DLG1: variants seen among roughly 807,000 people sequenced by gnomAD.
DLG1 encodes the protein disks large homolog 1.
In DLG1, 42 loss-of-function variants were observed where a neutral mutation model predicts 123.4. That is an observed-to-expected ratio of 0.34 (90% CI 0.27 to 0.44). DLG1 has a LOEUF of 0.44. Ranked by LOEUF, DLG1 falls within the 20% of genes least tolerant of loss-of-function variation. DLG1 has a pLI of 1.00. For missense variants in DLG1, 942 were observed against 1,082.6 expected (o/e 0.87, Z 1.82); for synonymous variants, 317 against 356.2 (o/e 0.89, Z 1.24).
At chr3:197,297,554 G>C in intron 1 of DLG1, 28 of 1,076,092 alleles carry the variant, frequency 2.6e-5, no homozygotes, top group Non-Finnish European at 3.0e-5. Context: ...CTGCTACTGG[G>C]TACGGGCGGG....
rs564685850 is a variant in DLG1, at chr3:197,224,664, A to T, written c.319-30075T>A. Among the ~76,000 whole-genome samples, 8 of 152,300 alleles carry T rather than the reference A, an allele frequency of 5.3e-5. No individual in the cohort carries two copies. The South Asian group carries it at 1.0e-3, about 20-fold the overall frequency. ...ATTTCCTATTTCAGAAAATTTCTGA[A>T]ATCTCAGTAGGAAAATAAGAATTCT... On this transcript the variant is annotated intron_variant, in intron 4 of 24. Coordinates refer to ENST00000667157, the MANE Select transcript of DLG1 (RefSeq NM_001366207.1).
intron 5 of DLG1, among the ~76,000 whole-genome samples, chr3:197,166,484 T>C (rs1260274700): frequency 2.0e-5 from 3 of 152,200 alleles, no homozygotes; most frequent in Admixed American, 6.5e-5. Context: ...TGTGTGTATA[T>C]ATGTGCATAG....
intron 19 of DLG1, among the ~76,000 whole-genome samples, chr3:197,067,115 T>G (rs1038713256): frequency 1.3e-5 from 2 of 152,136 alleles, no homozygotes; most frequent in Non-Finnish European, 2.9e-5. Context: ...CTATCATCTA[T>G]CTACGTATTA....
At chr3:197,256,090 A>G (rs997065186) in intron 4 of DLG1, among the ~76,000 whole-genome samples, 2 of 152,260 alleles carry the variant, frequency 1.3e-5, no homozygotes, top group Non-Finnish European at 2.9e-5. Flanking sequence ...TTTTAATGAC[A>G]TGCTAGCTTT....
intron 5 of DLG1, among the ~76,000 whole-genome samples, chr3:197,156,897 T>C (rs1430028848): frequency 6.6e-6 from 1 of 152,118 alleles, no homozygotes; most frequent in African/African-American, 2.4e-5. Context: ...CAACCAGACA[T>C]ATGATAAGTA....
In DLG1 at chr3:197,210,089, G is replaced by A. The variant is rs150228435; in HGVS notation, c.319-15500C>T. 2.5e-4 allele frequency among the ~76,000 whole-genome samples: 37 copies of A among 146,406 alleles called. 1 individual carries two copies. In the East Asian group the frequency reaches 6.7e-3, roughly 26 times the overall value. Reference sequence around the variant, plus strand: ...AACTGTGAGTATAATAGCTTTCAGTGAGTTCTGTGAGTCCTTCCAGTAAAT... The same window carrying A: ...AACTGTGAGTATAATAGCTTTCAGTAAGTTCTGTGAGTCCTTCCAGTAAAT... On this transcript the variant is annotated intron_variant, in intron 4 of 24. Transcript: ENST00000667157.
chr3:197,099,883 G>T (rs1762533147), intron 14 of DLG1, among the ~76,000 whole-genome samples: 1 of 152,122 alleles, frequency 6.6e-6, no homozygotes. Context: ...AAGTACAATA[G>T]CTCTCTGGCA....
intron 6 of DLG1, among the ~76,000 whole-genome samples, chr3:197,146,322 C>CA (rs1206958501): frequency 6.6e-6 from 1 of 151,900 alleles, no homozygotes; most frequent in Non-Finnish European, 1.5e-5. Context: ...CATATGGAAC[C>CA]AAAAAAGAGC....
chr3:197,140,148 T>C lies in DLG1; in HGVS notation c.705A>G (p.Gly235=). 3.1e-6 allele frequency: 5 copies of C among 1,612,820 alleles called. No homozygotes were observed. The highest frequency in any genetic ancestry group is 4.2e-6 in the Non-Finnish European group (5 of 1,179,432). ...AAAAGCGCAAAACATACCGCAATCT[T>C]CCATCTTGGGCGGCTGCTCCCCCTG... The part of the protein sequence containing the change: ...IITGGAAAQD[G]RLRVNDCILR... Residue 235 remains glycine, a synonymous_variant, in exon 8 of 25, where the codon GGA becomes GGG. Coordinates refer to ENST00000667157, the MANE Select transcript of DLG1 (RefSeq NM_001366207.1).
intron 11 of DLG1, among the ~76,000 whole-genome samples, chr3:197,121,496 C>A (rs768563774): frequency 6.6e-6 from 1 of 151,880 alleles, no homozygotes; most frequent in Non-Finnish European, 1.5e-5. Flanking sequence ...AAGTTAAAAG[C>A]GAGAAAATAT....
chr3:197,138,430 ATAATT>A (rs1786190652), intron 8 of DLG1, 39 bp from the exon 9 acceptor site: 1 of 1,084,856 alleles, frequency 9.2e-7, no homozygotes, highest in Non-Finnish European at 1.2e-6. Context: ...AAAATTAAAT[ATAATT>A]TAAATATAAA....
intron 5 of DLG1, among the ~76,000 whole-genome samples, chr3:197,172,362 C>G (rs1280491154): frequency 6.6e-6 from 1 of 152,020 alleles, no homozygotes; most frequent in Non-Finnish European, 1.5e-5. Context: ...TACTTTTTAT[C>G]TTCTGTATAA....
At chr3:197,091,615 G>A (rs1244515147) in intron 14 of DLG1, among the ~76,000 whole-genome samples, 1 of 151,834 alleles carries the variant, frequency 6.6e-6, no homozygotes, top group Non-Finnish European at 1.5e-5. Flanking sequence ...TAATATTTGT[G>A]AATATTTTTA....
chr3:197,288,705 G>C (rs1347540586), intron 3 of DLG1, among the ~76,000 whole-genome samples: 1 of 82,332 alleles, frequency 1.2e-5, no homozygotes, highest in African/African-American at 5.4e-5. Flanking sequence ...TGGGCAACAA[G>C]AGTGAAACTG....
chr3:197,076,722 C>T, intron 17 of DLG1, 37 bp from the exon 18 acceptor site: 1 of 1,526,914 alleles, frequency 6.5e-7, no homozygotes, highest in Non-Finnish European at 9.1e-7. Context: ...AAAGGGATGT[C>T]TACTGTCTGT....
intron 17 of DLG1, among the ~76,000 whole-genome samples, chr3:197,077,842 A>C (rs993509963): frequency 1.3e-5 from 2 of 152,220 alleles, no homozygotes; most frequent in African/African-American, 2.4e-5. Context: ...AGTGACACTA[A>C]GAATTATTAT....
chr3:197,133,096 G>T (rs1362928024), intron 10 of DLG1, among the ~76,000 whole-genome samples: 1 of 152,186 alleles, frequency 6.6e-6, no homozygotes, highest in African/African-American at 2.4e-5. Flanking sequence ...ATGCATCCTG[G>T]TATTCACACC....
intron 13 of DLG1, among the ~76,000 whole-genome samples, chr3:197,112,117 T>C (rs1285842141): frequency 2.0e-5 from 3 of 152,244 alleles, no homozygotes; most frequent in African/African-American, 2.4e-5. Flanking sequence ...ATGAGGGTTG[T>C]AGCTGCTCCA....
chr3:197,061,732 A>G (rs1735972297), intron 22 of DLG1, among the ~76,000 whole-genome samples: 2 of 152,144 alleles, frequency 1.3e-5, no homozygotes, highest in South Asian at 4.1e-4. Flanking sequence ...CTACAGACAT[A>G]ATGTGTGTCC....
Sources: gnomAD v4.1 joint callset for allele counts (sites outside exome capture counted in the v4.1 genomes callset) on GRCh38, gnomAD v4.1.1 for gene constraint, MANE v1.5 for transcripts, NCBI Gene and HGNC (gene_info 2026-07-23, HGNC 2026-07-21) for gene names.